BICRA: variants seen among roughly 807,000 people sequenced by gnomAD.
The protein encoded by BICRA is BRD4 interacting chromatin remodeling complex associated protein, also known as BRD4-interacting chromatin-remodeling complex-associated protein.
Under a neutral mutation model 96.9 loss-of-function variants are expected in BICRA, and 31 were observed. The ratio of observed to expected loss-of-function variants is 0.32; its 90% CI spans 0.24 to 0.43. BICRA has a LOEUF of 0.43. BICRA is among the 20% of genes least tolerant of loss of function. BICRA has a pLI of 1.00. For missense variants in BICRA, 2,283 were observed against 2,190.3 expected (o/e 1.04, Z -0.84); for synonymous variants, 1,350 against 1,071.8 (o/e 1.26, Z -5.07).
chr19:47,691,684 C>T lies in BICRA; in HGVS notation c.2284-2431C>T, dbSNP rs1599861852. On this transcript the variant is annotated intron_variant, in intron 7 of 14. Transcript: ENST00000594866. ...GTTCAAGCAATTCTCTTGCCTCAGCCTCCTGAGTGGCCGGGATTACAGGCA... is the reference window on the plus strand; with the variant it reads ...GTTCAAGCAATTCTCTTGCCTCAGCTTCCTGAGTGGCCGGGATTACAGGCA... Among the ~76,000 whole-genome samples the T allele has an allele frequency of 5.9e-5, 9 of 152,262 alleles. No individual in the cohort carries two copies. In the South Asian group the frequency reaches 1.9e-3, roughly 32 times the overall value.
intron 1 of BICRA, among the ~76,000 whole-genome samples, chr19:47,628,203 G>A (rs1300042561): frequency 6.6e-6 from 1 of 152,192 alleles, no homozygotes; most frequent in East Asian, 1.9e-4. Context: ...TCTTCGGTCT[G>A]TATGGGCTGG....
Position 47,675,406 on chromosome 19 carries a change from G to A in BICRA, c.85-445G>A, listed in dbSNP as rs1190224323. 6.6e-6 allele frequency among the ~76,000 whole-genome samples: 1 copy of A among 152,218 alleles called. No homozygotes were observed. The highest frequency in any genetic ancestry group is 1.9e-4 in the East Asian group (1 of 5,196). On this transcript the variant is annotated intron_variant, in intron 4 of 14. Coordinates refer to ENST00000594866, the MANE Select transcript of BICRA (RefSeq NM_001394372.1). The surrounding 1 kb of genome is among the most constrained non-coding windows in gnomAD (Gnocchi z 4.7). ...TGCCCTTCCAGAGATGGCACCGCAT[G>A]GCTTGTCAGGTGCCCGGATGGTAGG...
At chr19:47,673,293 C>T (rs1972893205) in intron 2 of BICRA, among the ~76,000 whole-genome samples, 1 of 152,140 alleles carries the variant, frequency 6.6e-6, no homozygotes, top group Non-Finnish European at 1.5e-5. Flanking sequence ...GTGTGTGAGG[C>T]ATGGTCAGGA....
At chr19:47,616,016 C>T (rs1340571713) in intron 1 of BICRA, 1 of 152,396 alleles carries the variant, frequency 6.6e-6, no homozygotes, top group Admixed American at 6.5e-5. Context: ...CCATTGTCTT[C>T]CTGAAAGGCA....
rs1290398440 is a variant in BICRA at position 47,679,677 on chromosome 19, G to A, written c.507G>A (p.Leu169=). The A allele has an allele frequency of 2.0e-6, 3 of 1,519,494 alleles. No individual in the cohort carries two copies. Among genetic ancestry groups the A allele is most frequent in the Middle Eastern group, 4.1e-4 (2 of 4,834 alleles). 94.1% of individuals were successfully genotyped at this position (1,519,494 alleles called of 1,614,324 possible). A position where few individuals can be genotyped will look rare whatever the true frequency, so the allele number is the denominator to read the frequency against. Residue 169 remains leucine, a synonymous_variant, in exon 6 of 15, where the codon CTG becomes CTA. Coordinates refer to ENST00000594866, the MANE Select transcript of BICRA (RefSeq NM_001394372.1). ...LFPGSTDLLG[L]QGPPTVLTHQ... The stretch of plus-strand genomic sequence containing the variant: ...CAGGCAGCACCGACCTGCTGGGGCT[G>A]CAGGGCCCGCCTACCGTGCTGACCC...
intron 1 of BICRA, among the ~76,000 whole-genome samples, chr19:47,645,656 G>A (rs911196036): frequency 1.3e-5 from 2 of 152,214 alleles, no homozygotes; most frequent in Admixed American, 6.5e-5. Flanking sequence ...TAACACAAAA[G>A]TAGCTTGTAA....
At position 47,645,616 on chromosome 19, in the gene BICRA, C is replaced by A. The variant is rs565802759; in HGVS notation, c.-107-24827C>A. 9.2e-5 allele frequency among the ~76,000 whole-genome samples: 14 copies of A among 152,334 alleles called. No homozygotes were observed. In the South Asian group the frequency reaches 2.7e-3, roughly 29 times the overall value. On this transcript the variant is annotated intron_variant, in intron 1 of 14. Transcript: ENST00000594866. ...GAAAGGGGAGGGAGCAAAAAAGAAACTGGAATATACAAAGTTCCAAAAACG... is the reference window on the plus strand; with the variant it reads ...GAAAGGGGAGGGAGCAAAAAAGAAAATGGAATATACAAAGTTCCAAAAACG...
chr19:47,669,260 A>G lies in BICRA; in HGVS notation c.-107-1183A>G, dbSNP rs138868687. ...GGTGGGAGTTATAGTCCTGTTAGCC[A>G]TGAGTTCAATGTGAATGAATCAACA... On this transcript the variant is annotated intron_variant, in intron 1 of 14. Coordinates refer to ENST00000594866, the MANE Select transcript of BICRA (RefSeq NM_001394372.1). Among the ~76,000 whole-genome samples the G allele has an allele frequency of 6.5e-3, 984 of 152,252 alleles. 6 individuals are homozygous for G. The highest frequency in any genetic ancestry group is 0.022 in the African/African-American group (932 of 41,538).
chr19:47,609,968 G>C (rs928659331), intron 1 of BICRA, among the ~76,000 whole-genome samples: 1 of 3,604 alleles, frequency 2.8e-4, no homozygotes, highest in African/African-American at 2.2e-3. Flanking sequence ...TTACGGGGGT[G>C]GGGGGGGTGA....
intron 5 of BICRA, among the ~76,000 whole-genome samples, chr19:47,677,376 C>T (rs1347567147): frequency 6.6e-6 from 1 of 152,200 alleles, no homozygotes; most frequent in Non-Finnish European, 1.5e-5. Context: ...TCCTGGGTTG[C>T]AGTCCAGGAT....
chr19:47,644,977 C>T (rs965444106), intron 1 of BICRA, among the ~76,000 whole-genome samples: 2 of 152,198 alleles, frequency 1.3e-5, no homozygotes, highest in Admixed American at 6.5e-5. Flanking sequence ...AGGAATGACA[C>T]GAACGTGCAT....
chr19:47,694,095 T>TTCCCCCCCCCCCC lies in BICRA; in HGVS notation c.2284-20_2284-19insTCCCCCCCCCCCC. The TTCCCCCCCCCCCC allele has an allele frequency of 1.6e-6, 1 of 622,608 alleles. No individual in the cohort carries two copies. The highest frequency in any genetic ancestry group is 2.0e-6 in the Non-Finnish European group (1 of 506,960). The allele number at this position is 622,608 out of a possible 1,614,324, so 38.6% of individuals were successfully genotyped here. ...GGTTCTGACCCCCGCCCCTCCCCTCTCCCTCCCTCCCCTGCCCAGATCCCG... is the reference window on the plus strand; with the variant it reads ...GGTTCTGACCCCCGCCCCTCCCCTCTTCCCCCCCCCCCCCCCTCCCTCCCCTGCCCAGATCCCG... On this transcript the variant is annotated intron_variant, in intron 7 of 14. Coordinates refer to ENST00000594866, the MANE Select transcript of BICRA (RefSeq NM_001394372.1).
intron 5 of BICRA, among the ~76,000 whole-genome samples, chr19:47,677,656 T>C (rs1568567917): frequency 6.6e-6 from 1 of 151,964 alleles, no homozygotes; most frequent in Non-Finnish European, 1.5e-5. Flanking sequence ...GATCACACCA[T>C]TGCACTCCAG....
intron 4 of BICRA, among the ~76,000 whole-genome samples, chr19:47,674,853 A>C (rs1420065096): frequency 6.6e-6 from 1 of 152,222 alleles, no homozygotes; most frequent in Non-Finnish European, 1.5e-5. Context: ...CCCAGTCTCC[A>C]AAGTCCCACA....
At position 47,682,144 on chromosome 19, in the gene BICRA, G is replaced by GC; in HGVS notation, c.2281dup (p.Gln761ProfsTer110). Reference sequence around the variant, plus strand: ...CGACAGCCAGGCTTCCCCGGCTCCGGCCCCCCAGGTAGAGGGACCCCAGCA... The same window carrying GC: ...CGACAGCCAGGCTTCCCCGGCTCCGGCCCCCCCAGGTAGAGGGACCCCAGCA... On this transcript the variant is annotated frameshift_variant, in exon 7 of 15. Transcript: ENST00000594866. LOFTEE classifies it high-confidence loss of function. 1.2e-5 allele frequency: 17 copies of GC among 1,458,794 alleles called. No homozygotes were observed. Among genetic ancestry groups the GC allele is most frequent in the Middle Eastern group, 2.4e-4 (1 of 4,190 alleles). The allele number at this position is 1,458,794 out of a possible 1,614,324, so 90.4% of individuals were successfully genotyped here.
chr19:47,642,725 G>GAA, intron 1 of BICRA, among the ~76,000 whole-genome samples: 3 of 152,050 alleles, frequency 2.0e-5, no homozygotes, highest in Admixed American at 2.0e-4. Flanking sequence ...AAAAGAAAAA[G>GAA]AAAAAAGAAA....
Position 47,690,544 on chromosome 19 carries a change from G to C in BICRA, c.2284-3571G>C, listed in dbSNP as rs547266658. Reference sequence around the variant, plus strand: ...AAATGGTACCCTAGGGTGAAAAATAGTGCCCTGGGGTGCGTTTTGCTGTGC... The same window carrying C: ...AAATGGTACCCTAGGGTGAAAAATACTGCCCTGGGGTGCGTTTTGCTGTGC... On this transcript the variant is annotated intron_variant, in intron 7 of 14. Coordinates refer to ENST00000594866, the MANE Select transcript of BICRA (RefSeq NM_001394372.1). 9.9e-5 allele frequency among the ~76,000 whole-genome samples: 15 copies of C among 152,240 alleles called. No individual in the cohort carries two copies. In the South Asian group the frequency reaches 2.9e-3, roughly 29 times the overall value.
At chr19:47,645,581 A>G (rs538883583) in intron 1 of BICRA, among the ~76,000 whole-genome samples, 1 of 152,330 alleles carries the variant, frequency 6.6e-6, no homozygotes, top group African/African-American at 2.4e-5. Context: ...CATTAGAAGG[A>G]GCAAAAGAGG....
intron 7 of BICRA, among the ~76,000 whole-genome samples, chr19:47,693,787 C>G (rs1011804838): frequency 1.3e-5 from 2 of 152,208 alleles, no homozygotes; most frequent in African/African-American, 2.4e-5. Flanking sequence ...TCTGCTGCTG[C>G]CACCCCAACC....
Sources: gnomAD v4.1 joint callset for allele counts (sites outside exome capture counted in the v4.1 genomes callset) on GRCh38, gnomAD v4.1.1 for gene constraint, Gnocchi (gnomAD v3.1) non-coding constraint, MANE v1.5 for transcripts, NCBI Gene and HGNC (gene_info 2026-07-23, HGNC 2026-07-21) for gene names.